NPAS3: variants seen among roughly 807,000 people sequenced by gnomAD.
NPAS3 encodes neuronal PAS domain-containing protein 3.
NPAS3 carries 14 observed loss-of-function variants against 73.1 expected under a neutral mutation model. The observed-to-expected ratio is 0.19, with a 90% CI of 0.13 to 0.30. The LOEUF (loss-of-function observed/expected upper bound fraction) is 0.30. Ranked by LOEUF, NPAS3 falls within the 10% of genes least tolerant of loss-of-function variation. The pLI is 1.00. For synonymous variants in NPAS3, 620 were observed against 541.5 expected, an observed-to-expected ratio of 1.14 and a Z score of -2.01; for missense variants, 1,096 against 1,250.0, an observed-to-expected ratio of 0.88 and a Z score of 1.86.
chr14:33,640,193 G>GA (rs35169453), intron 5 of NPAS3, among the ~76,000 whole-genome samples: 247 of 145,454 alleles, frequency 1.7e-3, no homozygotes, highest in Admixed American at 4.9e-3. Flanking sequence ...ACCCCCTGTT[G>GA]AAAAAAAAAA....
chr14:33,674,838 G>A (rs1000702788), intron 5 of NPAS3, among the ~76,000 whole-genome samples: 1 of 152,202 alleles, frequency 6.6e-6, no homozygotes, highest in African/African-American at 2.4e-5. Flanking sequence ...TCTGCAGCCT[G>A]TTAAGATGTT....
At chr14:33,598,345 CT>C (rs1432192192) in intron 5 of NPAS3, among the ~76,000 whole-genome samples, 1 of 152,124 alleles carries the variant, frequency 6.6e-6, no homozygotes, top group Admixed American at 6.5e-5. Flanking sequence ...CTAAGTATGT[CT>C]TTGTTTCTTT....
chr14:33,189,071 A>G (rs1323097311), intron 2 of NPAS3, among the ~76,000 whole-genome samples: 1 of 152,164 alleles, frequency 6.6e-6, no homozygotes, highest in African/African-American at 2.4e-5. Context: ...ACAATAATGA[A>G]TTTATCGCCT....
chr14:33,656,790 G>A (rs2059156972), intron 5 of NPAS3, among the ~76,000 whole-genome samples: 1 of 152,126 alleles, frequency 6.6e-6, no homozygotes, highest in Non-Finnish European at 1.5e-5. Context: ...TCTCCATGCT[G>A]TACATTAGAT....
At chr14:33,436,337 T>C (rs1207478874) in intron 4 of NPAS3, among the ~76,000 whole-genome samples, 1 of 152,226 alleles carries the variant, frequency 6.6e-6, no homozygotes, top group Non-Finnish European at 1.5e-5. Flanking sequence ...TTTAAAAATT[T>C]ATAATAGCTA....
intron 5 of NPAS3, among the ~76,000 whole-genome samples, chr14:33,655,773 G>A (rs2059128317): frequency 6.6e-6 from 1 of 152,030 alleles, no homozygotes; most frequent in Non-Finnish European, 1.5e-5. Flanking sequence ...GTACAAGACT[G>A]CAAGAACTTG....
chr14:33,699,013 G>T (rs1015697689), intron 6 of NPAS3, among the ~76,000 whole-genome samples: 1 of 152,146 alleles, frequency 6.6e-6, no homozygotes, highest in African/African-American at 2.4e-5. Context: ...ACATGTGCTG[G>T]CATGTGGACA....
rs1453302269 is a variant in NPAS3, at chr14:33,563,045, AG to A, written c.558+2836del. The stretch of plus-strand genomic sequence containing the variant: ...ATGGACCCTCCTTTCCTTTCCAAAT[AG>A]TTTTGTTAAATAAAGACAATGTGTA... On this transcript the variant is annotated intron_variant, in intron 5 of 11. Coordinates refer to ENST00000356141, the Ensembl canonical transcript of NPAS3. Among the ~76,000 whole-genome samples, 16 of 152,106 alleles carry A rather than the reference AG, an allele frequency of 1.1e-4. No individual in the cohort carries two copies. The South Asian group carries it at 1.9e-3, about 18-fold the overall frequency.
At chr14:33,346,670 G>A (rs1013300910) in intron 3 of NPAS3, among the ~76,000 whole-genome samples, 1 of 152,168 alleles carries the variant, frequency 6.6e-6, no homozygotes, top group African/African-American at 2.4e-5. Context: ...AAGCCATGGG[G>A]AAAAAAAGTG....
intron 2 of NPAS3, among the ~76,000 whole-genome samples, chr14:33,125,619 T>A (rs1264448010): frequency 6.6e-6 from 1 of 152,110 alleles, no homozygotes; most frequent in Non-Finnish European, 1.5e-5. Context: ...GATGTGTTTT[T>A]CTTTAAATGA....
At chr14:33,077,863 T>C (rs1347717341) in intron 2 of NPAS3, among the ~76,000 whole-genome samples, 1 of 147,796 alleles carries the variant, frequency 6.8e-6, no homozygotes, top group African/African-American at 2.5e-5. Context: ...AAAATACATA[T>C]ATGACCGGGT....
chr14:33,354,456 C>T (rs571231277), intron 3 of NPAS3, among the ~76,000 whole-genome samples: 44 of 152,312 alleles, frequency 2.9e-4, no homozygotes, highest in South Asian at 2.1e-3. Context: ...GCTGGTTCCC[C>T]GCTTCTGCCT....
At chr14:32,980,011 G>A (rs1259596308) in intron 1 of NPAS3, among the ~76,000 whole-genome samples, 1 of 152,186 alleles carries the variant, frequency 6.6e-6, no homozygotes, top group Non-Finnish European at 1.5e-5. Flanking sequence ...TTCTAAAGCA[G>A]CTAGATAGAC....
At chr14:32,966,771 C>A (rs547573062) in intron 1 of NPAS3, among the ~76,000 whole-genome samples, 1 of 122,930 alleles carries the variant, frequency 8.1e-6, no homozygotes, top group African/African-American at 3.0e-5. Context: ...AGCGAGACTC[C>A]GTCTCAAAAA....
intron 4 of NPAS3, among the ~76,000 whole-genome samples, chr14:33,537,397 G>A (rs1003245194): frequency 6.6e-6 from 1 of 152,130 alleles, no homozygotes; most frequent in Non-Finnish European, 1.5e-5. Flanking sequence ...CTCCTAGGGT[G>A]GATTATTGTT....
At chr14:33,785,396 C>G (rs1353761573) in intron 9 of NPAS3, among the ~76,000 whole-genome samples, 3 of 143,908 alleles carry the variant, frequency 2.1e-5, no homozygotes, top group African/African-American at 7.8e-5. Context: ...GATCATGCCA[C>G]TGCACTCCAG....
chr14:33,696,011 T>G (rs925923491), intron 6 of NPAS3, among the ~76,000 whole-genome samples: 6 of 152,222 alleles, frequency 3.9e-5, no homozygotes, highest in Admixed American at 3.9e-4. Flanking sequence ...TACTTTCTTT[T>G]CTTCTCTTTA....
At chr14:33,462,215 T>C (rs1321724674) in intron 4 of NPAS3, among the ~76,000 whole-genome samples, 1 of 152,166 alleles carries the variant, frequency 6.6e-6, no homozygotes, top group African/African-American at 2.4e-5. Context: ...TGGGCAACAT[T>C]AGGCAAGTCG....
At chr14:33,246,464 C>T (rs974208124) in intron 3 of NPAS3, among the ~76,000 whole-genome samples, 4 of 142,972 alleles carry the variant, frequency 2.8e-5, no homozygotes, top group African/African-American at 5.2e-5. Flanking sequence ...GCGTGAACCC[C>T]GGGGGACGGA....
Sources: allele counts gnomAD v4.1 joint callset (sites outside exome capture counted in the v4.1 genomes callset), GRCh38; gene constraint gnomAD v4.1.1; transcripts MANE v1.5; gene names NCBI Gene and HGNC (gene_info 2026-07-23, HGNC 2026-07-21).